Variants in RYR1 observed in about 807,000 individuals in gnomAD.
RYR1 encodes ryanodine receptor 1, also known as central core disease of muscle.
In RYR1, 342 loss-of-function variants were observed where a neutral mutation model predicts 583.5. That is an observed-to-expected ratio of 0.59 (90% CI 0.54 to 0.64). RYR1 has a LOEUF of 0.64. RYR1 is among the 30% of genes least tolerant of loss of function. The probability of loss-of-function intolerance (pLI) is 0.00; values close to 1 mark genes in which losing one functional copy is unlikely to be tolerated. For synonymous variants in RYR1, 2,791 were observed against 2,822.5 expected (o/e 0.99, Z 0.35); for missense variants, 6,032 against 6,917.2 (o/e 0.87, Z 4.54).
At chr19:38,497,171 C>T (rs1047584018) in intron 42 of RYR1, among the ~76,000 whole-genome samples, 16 of 152,154 alleles carry the variant, frequency 1.1e-4, no homozygotes, top group African/African-American at 3.4e-4. Flanking sequence ...CTCCACGCTT[C>T]CCGTCTGGGG....
intron 76 of RYR1, among the ~76,000 whole-genome samples, chr19:38,531,200 A>T (rs754517033): frequency 3.3e-5 from 5 of 151,980 alleles, no homozygotes; most frequent in Admixed American, 1.3e-4. Flanking sequence ...ATTCTGACAT[A>T]AGGCCATCTC....
At chr19:38,545,371 G>T (rs2960317) in intron 87 of RYR1, among the ~76,000 whole-genome samples, 1 of 152,002 alleles carries the variant, frequency 6.6e-6, no homozygotes, top group Non-Finnish European at 1.5e-5. Context: ...GACCTTAGGC[G>T]CAGAATGCAG....
In RYR1 at chr19:38,534,542, C is replaced by T. The variant is rs561903305; in HGVS notation, c.11260-178C>T. Among the ~76,000 whole-genome samples the T allele has an allele frequency of 4.6e-5, 7 of 152,024 alleles. No homozygotes were observed. The South Asian group carries it at 8.3e-4, about 18-fold the overall frequency. The stretch of plus-strand genomic sequence containing the variant: ...GTAGATCTTGCCTAATGCCTAGCCC[C>T]GTGCTAGGTACAGGAGATACATCGA... On this transcript the variant is annotated intron_variant, in intron 78 of 105. Coordinates refer to ENST00000359596, the MANE Select transcript of RYR1 (RefSeq NM_000540.3).
intron 35 of RYR1, 55 bp downstream of exon 35, chr19:38,489,498 G>A: frequency 3.1e-6 from 5 of 1,604,858 alleles, no homozygotes; most frequent in Admixed American, 1.7e-5. Context: ...GGGAGACACA[G>A]GGTAGGTGGG....
chr19:38,446,787 GGA>G lies in RYR1; in HGVS notation c.800+24_800+25del. ...GAATCAGGTAGGGCGGGGAAGATGGGGAGAGACCAGGGAGAGGCTGGGGTCAC... is the reference window on the plus strand; with the variant it reads ...GAATCAGGTAGGGCGGGGAAGATGGGGAGACCAGGGAGAGGCTGGGGTCAC... On this transcript the variant is annotated intron_variant, in intron 9 of 105. Coordinates refer to ENST00000359596, the MANE Select transcript of RYR1 (RefSeq NM_000540.3). 6.2e-7 allele frequency: 1 copy of G among 1,607,396 alleles called. No homozygotes were observed. The highest frequency in any genetic ancestry group is 1.3e-5 in the African/African-American group (1 of 74,900).
chr19:38,538,924 A>G (rs1200940021), intron 84 of RYR1, among the ~76,000 whole-genome samples: 1 of 152,224 alleles, frequency 6.6e-6, no homozygotes, highest in Non-Finnish European at 1.5e-5. Flanking sequence ...GCCATTTCCT[A>G]TAACAAACAT....
At position 38,527,740 on chromosome 19, in the gene RYR1, C is replaced by T. The variant is rs1221215088; in HGVS notation, c.10780C>T (p.Arg3594Cys). 4 of 1,613,958 alleles carry T rather than the reference C, an allele frequency of 2.5e-6. No homozygotes were observed. Among genetic ancestry groups the T allele is most frequent in the Non-Finnish European group, 3.4e-6 (4 of 1,179,980 alleles). The change falls in exon 73 of 106, where the codon CGC becomes TGC. Residue 3594 changes from arginine to cysteine, a missense_variant. Around this residue, in one of 11 missense-constraint regions of RYR1, gnomAD observed 1,493 missense variants for 1,715.5 expected, o/e 0.87. Transcript: ENST00000359596. The stretch of plus-strand genomic sequence containing the variant: ...CGCCGATGACCCCGAGAAAATCGTG[C>T]GCAGAGTCCAGGAAGTGTCAGCCGT... ...EDADDPEKIVRRVQEVSAVLY... is the reference protein window; with the variant it reads ...EDADDPEKIVCRVQEVSAVLY...
rs779515779 is a variant in RYR1, at chr19:38,496,914, A to G, written c.6851A>G (p.Asn2284Ser). 1.8e-5 allele frequency: 29 copies of G among 1,613,272 alleles called. 1 individual carries two copies. In the South Asian group the frequency reaches 3.0e-4, roughly 16 times the overall value. ...DVAAASVIDNNELALALQEQD... is the reference protein window; with the variant it reads ...DVAAASVIDNSELALALQEQD... Reference sequence around the variant, plus strand: ...GCTGCTGCCTCCGTCATTGACAACAATGAGCTGGCCTTGGCATTGCAGGAG... The same window carrying G: ...GCTGCTGCCTCCGTCATTGACAACAGTGAGCTGGCCTTGGCATTGCAGGAG... The change falls in exon 42 of 106, where the codon AAT (asparagine) becomes AGT (serine). Residue 2284 changes from asparagine (N) to serine (S), a missense_variant. Coordinates refer to ENST00000359596, the MANE Select transcript of RYR1 (RefSeq NM_000540.3). This position sits in a 1 kb window ranked among gnomAD's most constrained non-coding sequence, Gnocchi z 4.8.
rs919322708 is a variant in RYR1 at position 38,463,527 on chromosome 19, G to A, written c.2682G>A (p.Pro894=). The change falls in exon 21 of 106, where the codon CCG becomes CCA. Residue 894 remains proline (P), a splice_region_variant and synonymous_variant. Coordinates refer to ENST00000359596, the MANE Select transcript of RYR1 (RefSeq NM_000540.3). ...TRIEQGWTYG[P]VRDDNKRLHP... is the part of the protein sequence containing the mutation. ...TCGAGCAGGGCTGGACCTACGGCCC[G>A]GTGAGGGGCTGCCTGCAGCCTGCGG... The A allele has an allele frequency of 9.3e-6, 15 of 1,611,254 alleles. No individual in the cohort carries two copies. Among genetic ancestry groups the A allele is most frequent in the Non-Finnish European group, 1.0e-5 (12 of 1,179,320 alleles).
rs1473972613 is a variant in RYR1, at chr19:38,494,568, C to T, written c.6491C>T (p.Ser2164Leu). 4.3e-6 allele frequency: 7 copies of T among 1,614,128 alleles called. No homozygotes were observed. The highest frequency in any genetic ancestry group is 2.2e-5 in the East Asian group (1 of 44,886). The stretch of plus-strand genomic sequence containing the variant: ...CTCGAGTGCCTCGGCCAGATCCGCT[C>T]GCTGCTCATCGTGCAGATGGGCCCC... Reference protein sequence around the residue: ...SLLECLGQIRSLLIVQMGPQE... With the variant: ...SLLECLGQIRLLLIVQMGPQE... Residue 2164 changes from serine to leucine, a missense_variant, in exon 39 of 106, where the codon TCG becomes TTG. Ser to Leu is a moderately radical substitution (Grantham distance 145). Around this residue, in one of 11 missense-constraint regions of RYR1, gnomAD observed 2,627 missense variants for 2,961.3 expected, o/e 0.89. Coordinates refer to ENST00000359596, the MANE Select transcript of RYR1 (RefSeq NM_000540.3).
Position 38,506,910 on chromosome 19 carries a change from A to G in RYR1, c.8774A>G (p.Glu2925Gly). The G allele has an allele frequency of 6.2e-7, 1 of 1,613,134 alleles. No individual in the cohort carries two copies. The change falls in exon 57 of 106, where the codon GAG becomes GGG. Residue 2925 changes from glutamate to glycine, a missense_variant. Physicochemically the swap from Glu to Gly is moderately conservative, Grantham distance 98. Transcript: ENST00000359596. ...EKARDREKAQ[E>G]LLKFLQMNGY... ...GCACGAGATCGAGAGAAGGCCCAGG[A>G]GCTACTGAAATTCCTGCAGATGAAT...
rs769837029 is a variant in RYR1 at position 38,442,462 on chromosome 19, C to T, written c.270+9C>T. On this transcript the variant is annotated intron_variant, in intron 3 of 105. Transcript: ENST00000359596. The stretch of plus-strand genomic sequence containing the variant: ...TGGAGGCTGGCGTGGAGGTGAGGAC[C>T]CCACCTGGGGGTGGGCGGGGTGGCA... 4 of 1,606,934 alleles carry T rather than the reference C, an allele frequency of 2.5e-6. No individual in the cohort carries two copies. Among genetic ancestry groups the T allele is most frequent in the Non-Finnish European group, 3.4e-6 (4 of 1,173,930 alleles).
At chr19:38,523,653 CCA>C (rs1256297024) in intron 69 of RYR1, 1 of 612,810 alleles carries the variant, frequency 1.6e-6, no homozygotes, top group East Asian at 2.7e-5. Flanking sequence ...CTCCTCCTCC[CCA>C]TTTTCCCCCT....
rs1420958496 is a variant in RYR1, at chr19:38,496,450, C to T, written c.6705C>T (p.Phe2235=). The T allele has an allele frequency of 1.9e-6, 3 of 1,613,866 alleles. No homozygotes were observed. Among genetic ancestry groups the T allele is most frequent in the Non-Finnish European group, 2.5e-6 (3 of 1,180,032 alleles). Reference sequence around the variant, plus strand: ...AGATGGTGACAAGCTGCTGCCGCTTCCTCTGCTATTTCTGCCGAATCAGCC... The same window carrying T: ...AGATGGTGACAAGCTGCTGCCGCTTTCTCTGCTATTTCTGCCGAATCAGCC... ...FPKMVTSCCR[F]LCYFCRISRQ... is the part of the protein sequence containing the mutation. The change falls in exon 41 of 106, where the codon TTC becomes TTT. Residue 2235 remains phenylalanine (F), a synonymous_variant. Transcript: ENST00000359596. This position sits in a 1 kb window ranked among gnomAD's most constrained non-coding sequence, Gnocchi z 4.8.
chr19:38,536,945 G>A, intron 83 of RYR1, 178 bp downstream of exon 83: 2 of 659,238 alleles, frequency 3.0e-6, no homozygotes, highest in Non-Finnish European at 5.5e-6. Context: ...CATGATTCAG[G>A]TCCCAGATCA....
At chr19:38,462,419 C>T (rs1199452134) in intron 20 of RYR1, among the ~76,000 whole-genome samples, 3 of 152,078 alleles carry the variant, frequency 2.0e-5, no homozygotes, top group African/African-American at 7.2e-5. Context: ...CCCTGGGCCT[C>T]ACCCTGGATG....
intron 23 of RYR1, 60 bp from the exon 24 acceptor site, chr19:38,466,031 G>A (rs1188564801): frequency 1.3e-5 from 19 of 1,509,268 alleles, no homozygotes; most frequent in Non-Finnish European, 1.6e-5. Flanking sequence ...ATCCCATATA[G>A]TGCAGAGCCC....
In RYR1 at chr19:38,496,945, C is replaced by T. The variant is rs1442998187; in HGVS notation, c.6882C>T (p.Asp2294=). The T allele has an allele frequency of 6.2e-7, 1 of 1,613,410 alleles. No homozygotes were observed. Among genetic ancestry groups the T allele is most frequent in the Non-Finnish European group, 8.5e-7 (1 of 1,179,848 alleles). Residue 2294 remains aspartate (D), a synonymous_variant, in exon 42 of 106, where the codon GAC becomes GAT. Transcript: ENST00000359596. This position sits in a 1 kb window ranked among gnomAD's most constrained non-coding sequence, Gnocchi z 4.8. ...TGGCCTTGGCATTGCAGGAGCAGGA[C>T]CTGGAAAAGGTGTGGAGGGCAGGGC... ...NELALALQEQ[D]LEKVVSYLAG...
chr19:38,451,446 C>T lies in RYR1; in HGVS notation c.1123-318C>T, dbSNP rs151189125. On this transcript the variant is annotated intron_variant, in intron 11 of 105. Coordinates refer to ENST00000359596, the MANE Select transcript of RYR1 (RefSeq NM_000540.3). ...AGCAGTAGGTACAGGTGGAAAGGGT[C>T]TGGCCTGGAGACAGAGACAGGAAGG... is the stretch of plus-strand genomic sequence containing the variant. Among the ~76,000 whole-genome samples, 535 of 151,994 alleles carry T rather than the reference C, an allele frequency of 3.5e-3. 3 individuals are homozygous for T. The highest frequency in any genetic ancestry group is 0.012 in the African/African-American group (509 of 41,450).
Sources: gnomAD v4.1 joint callset for allele counts (sites outside exome capture counted in the v4.1 genomes callset) on GRCh38, gnomAD v4.1.1 for gene constraint, gnomAD v4.1.1 regional missense constraint, Gnocchi (gnomAD v3.1) non-coding constraint, MANE v1.5 for transcripts, NCBI Gene and HGNC (gene_info 2026-07-23, HGNC 2026-07-21) for gene names.